The following DOHH variants were observed in gnomAD, a reference collection of about 807,000 sequenced individuals.
DOHH encodes deoxyhypusine hydroxylase.
DOHH carries 16 observed loss-of-function variants against 19.9 expected under a neutral mutation model. The ratio of observed to expected loss-of-function variants is 0.80; its 90% confidence interval spans 0.54 to 1.22. DOHH has a LOEUF of 1.22. Ranked by LOEUF, DOHH falls within the 50% of genes most tolerant of loss-of-function variation. The pLI is 0.00. For synonymous variants in DOHH, 233 were observed against 217.0 expected, an observed-to-expected ratio of 1.07 and a Z score of -0.65; for missense variants, 460 against 460.6, an observed-to-expected ratio of 1.00 and a Z score of 0.01.
chr19:3,495,122 G>A (rs1344544683), intron 2 of DOHH, among the ~76,000 whole-genome samples: 2 of 151,778 alleles, frequency 1.3e-5, no homozygotes, highest in Non-Finnish European at 2.9e-5. Context: ...TACAGGCGCC[G>A]GCCACCACGC....
At position 3,492,462 on chromosome 19, in the gene DOHH, T is replaced by G; in HGVS notation, c.389A>C (p.Glu130Ala). ...ETCQLAVRRL[E>A]WLQQHGGEPA... ...CTCCCCGCCGTGCTGCTGCAGCCACTCCAGCCTGCGCACGGCCAGCTGGCA... is the reference window on the plus strand; with the variant it reads ...CTCCCCGCCGTGCTGCTGCAGCCACGCCAGCCTGCGCACGGCCAGCTGGCA... The change falls in exon 4 of 5, where the codon GAG becomes GCG. Residue 130 changes from glutamate to alanine, a missense_variant. Coordinates refer to ENST00000427575, the MANE Select transcript of DOHH (RefSeq NM_001145165.2). The G allele has an allele frequency of 7.0e-7, 1 of 1,438,454 alleles. No individual in the cohort carries two copies. Among genetic ancestry groups the G allele is most frequent in the Non-Finnish European group, 9.1e-7 (1 of 1,102,632 alleles). 89.1% of individuals were successfully genotyped at this position (1,438,454 alleles called of 1,614,324 possible). A position where few individuals can be genotyped will look rare whatever the true frequency, so the allele number is the denominator to read the frequency against.
rs1281190898 is a variant in DOHH, at chr19:3,491,369, C to G, written c.*123G>C. The G allele has an allele frequency of 9.3e-7, 1 of 1,072,368 alleles. No homozygotes were observed. Among genetic ancestry groups the G allele is most frequent in the Non-Finnish European group, 1.3e-6 (1 of 757,202 alleles). The allele number at this position is 1,072,368 out of a possible 1,614,324, so 66.4% of individuals were successfully genotyped here. A position where few individuals can be genotyped will look rare whatever the true frequency, so the allele number is the denominator to read the frequency against. On this transcript the variant is annotated 3_prime_UTR_variant, in exon 5 of 5. Coordinates refer to ENST00000427575, the MANE Select transcript of DOHH (RefSeq NM_001145165.2). The surrounding 1 kb of genome is among the most constrained non-coding windows in gnomAD (Gnocchi z 5.6). ...CCAGACGGAGGAGGGGGACAGCAACCATGCGCCCAGCAAGACACAAGCGAT... is the reference window on the plus strand; with the variant it reads ...CCAGACGGAGGAGGGGGACAGCAACGATGCGCCCAGCAAGACACAAGCGAT...
Position 3,492,457 on chromosome 19 carries a change from G to A in DOHH, c.394C>T (p.Leu132=). ...CQLAVRRLEW[L]QQHGGEPAAG... ...GCCGGCTCCCCGCCGTGCTGCTGCA[G>A]CCACTCCAGCCTGCGCACGGCCAGC... is the stretch of plus-strand genomic sequence containing the variant. Residue 132 remains leucine, a synonymous_variant, in exon 4 of 5, where the codon CTG becomes TTG. Transcript: ENST00000427575. 6.9e-6 allele frequency: 10 copies of A among 1,443,028 alleles called. No homozygotes were observed. The highest frequency in any genetic ancestry group is 9.0e-6 in the Non-Finnish European group (10 of 1,105,026). 89.4% of individuals were successfully genotyped at this position (1,443,028 alleles called of 1,614,324 possible).
At chr19:3,497,860 A>G (rs4807480) in intron 1 of DOHH, among the ~76,000 whole-genome samples, 61,128 of 151,694 alleles carry the variant, frequency 0.4, 14,176 homozygotes, top group East Asian at 0.69. Context: ...CCAACTCCCA[A>G]GCTCAAGTGA....
At chr19:3,497,104 C>T (rs1301011464) in intron 1 of DOHH, among the ~76,000 whole-genome samples, 1 of 152,206 alleles carries the variant, frequency 6.6e-6, no homozygotes, top group Non-Finnish European at 1.5e-5. Flanking sequence ...ATAGGCCTAT[C>T]AGAAATGACC....
Position 3,491,734 on chromosome 19 carries a change from G to A in DOHH, c.667C>T (p.Pro223Ser). The change falls in exon 5 of 5, where the codon CCC (proline) becomes TCC (serine). Residue 223 changes from proline to serine, a missense_variant. By Grantham distance (74) the Pro-to-Ser change is moderately conservative. Coordinates refer to ENST00000427575, the MANE Select transcript of DOHH (RefSeq NM_001145165.2). This position sits in a 1 kb window ranked among gnomAD's most constrained non-coding sequence, Gnocchi z 5.6. ...LGQLQHEAAV[P>S]QLAAALARCT... ...CGGGCCAGGGCGGCCGCCAGCTGGG[G>A]CACCGCCGCCTCGTGCTGCAGCTGT... The A allele has an allele frequency of 6.6e-7, 1 of 1,506,726 alleles. No individual in the cohort carries two copies. The highest frequency in any genetic ancestry group is 8.8e-7 in the Non-Finnish European group (1 of 1,131,592). 93.3% of individuals were successfully genotyped at this position (1,506,726 alleles called of 1,614,324 possible).
chr19:3,494,084 CG>C lies in DOHH; in HGVS notation c.294del (p.Ile98MetfsTer10). On this transcript the variant is annotated frameshift_variant, in exon 3 of 5. Coordinates refer to ENST00000427575, the MANE Select transcript of DOHH (RefSeq NM_001145165.2). LOFTEE classifies it high-confidence loss of function. ...AGGATCTCCAGAACTTCCGGGTCCC[CG>C]ATGGCCCCCAGGGCCTCCCCTGGGA... ...RHEAGEALGA[I>X]GDPEVLEILK... 5 of 1,613,706 alleles carry C rather than the reference CG, an allele frequency of 3.1e-6. No individual in the cohort carries two copies. The highest frequency in any genetic ancestry group is 4.2e-6 in the Non-Finnish European group (5 of 1,179,744).
chr19:3,492,287 C>T lies in DOHH; in HGVS notation c.564G>A (p.Glu188=), dbSNP rs1039166226. 1.7e-5 allele frequency: 26 copies of T among 1,501,616 alleles called. No individual in the cohort carries two copies. Among genetic ancestry groups the T allele is most frequent in the African/African-American group, 2.9e-5 (2 of 69,922 alleles). 93.0% of individuals were successfully genotyped at this position (1,501,616 alleles called of 1,614,324 possible). ...CCTCGGCCAGCGCCAGGGCGGCCTC[C>T]TCGCCTCCCGCGTTGCGCAGGGCGA... ...AMFALRNAGG[E]EAALALAEGL... Residue 188 remains glutamate (E), a synonymous_variant, in exon 4 of 5, where the codon GAG becomes GAA. Coordinates refer to ENST00000427575, the MANE Select transcript of DOHH (RefSeq NM_001145165.2).
chr19:3,491,205 T>C lies in DOHH; in HGVS notation c.*287A>G, dbSNP rs2082866800. 5.8e-6 allele frequency: 3 copies of C among 514,064 alleles called. No individual in the cohort carries two copies. The highest frequency in any genetic ancestry group is 4.1e-5 in the African/African-American group (2 of 48,874). 31.8% of individuals were successfully genotyped at this position (514,064 alleles called of 1,614,324 possible). On this transcript the variant is annotated 3_prime_UTR_variant, in exon 5 of 5. Coordinates refer to ENST00000427575, the MANE Select transcript of DOHH (RefSeq NM_001145165.2). The surrounding 1 kb of genome is among the most constrained non-coding windows in gnomAD (Gnocchi z 5.6). ...CCTGGCTTCCCTCGCAATCCTCCCCTGTCCTGAGCCGGGCATCCCAGAGCC... is the reference window on the plus strand; with the variant it reads ...CCTGGCTTCCCTCGCAATCCTCCCCCGTCCTGAGCCGGGCATCCCAGAGCC...
chr19:3,494,019 C>T lies in DOHH; in HGVS notation c.351+9G>A, dbSNP rs773597811. On this transcript the variant is annotated intron_variant, in intron 3 of 4. Transcript: ENST00000427575. ...AGACTGGCAGGGAGACAAGCAGGGG[C>T]CTGGTTACCTCGATGACGGGGTCCG... 2 of 1,611,546 alleles carry T rather than the reference C, an allele frequency of 1.2e-6. No homozygotes were observed. Among genetic ancestry groups the T allele is most frequent in the Admixed American group, 1.7e-5 (1 of 59,744 alleles).
At chr19:3,498,642 T>C (rs150472527) in intron 1 of DOHH, among the ~76,000 whole-genome samples, 3,761 of 152,226 alleles carry the variant, frequency 0.025, 150 homozygotes, top group African/African-American at 0.083. Context: ...CAACCTCAGG[T>C]GATCCACCCG....
intron 3 of DOHH, among the ~76,000 whole-genome samples, 163 bp downstream of exon 3, chr19:3,493,865 G>A (rs975396723): frequency 1.3e-5 from 2 of 152,104 alleles, no homozygotes; most frequent in African/African-American, 4.8e-5. Flanking sequence ...CCAGATTGTC[G>A]CCCTCGCCTT....
At position 3,491,819 on chromosome 19, in the gene DOHH, G is replaced by A. The variant is rs1489506572; in HGVS notation, c.590-8C>T. The A allele has an allele frequency of 2.7e-6, 4 of 1,454,892 alleles. No homozygotes were observed. In the South Asian group the frequency reaches 4.3e-5, roughly 15 times the overall value. 90.1% of individuals were successfully genotyped at this position (1,454,892 alleles called of 1,614,324 possible). A position where few individuals can be genotyped will look rare whatever the true frequency, so the allele number is the denominator to read the frequency against. On this transcript the variant is annotated splice_region_variant and splice_polypyrimidine_tract_variant and intron_variant, in intron 4 of 4. Coordinates refer to ENST00000427575, the MANE Select transcript of DOHH (RefSeq NM_001145165.2). The surrounding 1 kb of genome is among the most constrained non-coding windows in gnomAD (Gnocchi z 5.6). ...CGCTCCCACAGTGCAGACCTGCAGG[G>A]GAGAGGGACACTCGCTGGGGCCAGG...
chr19:3,491,112 C>CTGGCTTCCCTCGCGATCCTCCCT lies in DOHH; in HGVS notation c.*379_*380insAGGGAGGATCGCGAGGGAAGCCA, dbSNP rs1427337218. ...CCTTGGCTTCCCTCGCGATCCTCCCCTGGCTTCCCTCGCGATCCTCCCCTG... is the reference window on the plus strand; with the variant it reads ...CCTTGGCTTCCCTCGCGATCCTCCCCTGGCTTCCCTCGCGATCCTCCCTTGGCTTCCCTCGCGATCCTCCCCTG... On this transcript the variant is annotated 3_prime_UTR_variant, in exon 5 of 5. Coordinates refer to ENST00000427575, the MANE Select transcript of DOHH (RefSeq NM_001145165.2). This position sits in a 1 kb window ranked among gnomAD's most constrained non-coding sequence, Gnocchi z 5.6. 26 of 302,514 alleles carry CTGGCTTCCCTCGCGATCCTCCCT rather than the reference C, an allele frequency of 8.6e-5. No homozygotes were observed. Among genetic ancestry groups the CTGGCTTCCCTCGCGATCCTCCCT allele is most frequent in the Non-Finnish European group, 1.5e-4 (24 of 163,428 alleles). 18.7% of individuals were successfully genotyped at this position (302,514 alleles called of 1,614,324 possible). A position where few individuals can be genotyped will look rare whatever the true frequency, so the allele number is the denominator to read the frequency against.
At chr19:3,494,881 T>C (rs1174655627) in intron 2 of DOHH, among the ~76,000 whole-genome samples, 2 of 152,118 alleles carry the variant, frequency 1.3e-5, no homozygotes, top group Non-Finnish European at 2.9e-5. Context: ...GCAAATGAGC[T>C]CACTGGTTAC....
intron 4 of DOHH, 62 bp downstream of exon 4, chr19:3,492,200 G>A: frequency 7.3e-7 from 1 of 1,365,398 alleles, no homozygotes; most frequent in Non-Finnish European, 9.5e-7. Context: ...CTGCACAGAT[G>A]CCATCACTGA....
chr19:3,492,141 C>G, intron 4 of DOHH, 121 bp downstream of exon 4: 2 of 982,810 alleles, frequency 2.0e-6, no homozygotes. Flanking sequence ...ATGGGAAATG[C>G]TTGGGGCCAG....
rs2082875950 is a variant in DOHH at position 3,492,332 on chromosome 19, G to C, written c.519C>G (p.Phe173Leu). 2.6e-6 allele frequency: 4 copies of C among 1,544,458 alleles called. No homozygotes were observed. The Admixed American group carries it at 5.8e-5, about 22-fold the overall frequency. Residue 173 changes from phenylalanine to leucine, a missense_variant, in exon 4 of 5, where the codon TTC (phenylalanine) becomes TTG (leucine). Transcript: ENST00000427575. The part of the protein sequence containing the change: ...EALLDESRPL[F>L]ERYRAMFALR... ...GGGCGAACATGGCGCGGTATCGCTCGAAGAGCGGCCGGGACTCATCCAGCA... is the reference window on the plus strand; with the variant it reads ...GGGCGAACATGGCGCGGTATCGCTCCAAGAGCGGCCGGGACTCATCCAGCA...
intron 1 of DOHH, among the ~76,000 whole-genome samples, chr19:3,497,237 A>G (rs8109979): frequency 0.081 from 12,283 of 152,190 alleles, 1,739 homozygotes; most frequent in African/African-American, 0.28. Context: ...AAGGCTTTAT[A>G]TAGTCCTCTC....
Sources: gnomAD v4.1 joint callset for allele counts (sites outside exome capture counted in the v4.1 genomes callset) on GRCh38, gnomAD v4.1.1 for gene constraint, Gnocchi (gnomAD v3.1) non-coding constraint, MANE v1.5 for transcripts, NCBI Gene and HGNC (gene_info 2026-07-23, HGNC 2026-07-21) for gene names.